THSD7B: variants seen among roughly 807,000 people sequenced by gnomAD.
THSD7B encodes the protein thrombospondin type-1 domain-containing protein 7B.
Under a neutral mutation model 213.6 loss-of-function variants are expected in THSD7B, and 138 were observed. The ratio of observed to expected loss-of-function variants is 0.65; its 90% CI spans 0.56 to 0.74. THSD7B has a LOEUF of 0.74. THSD7B is among the 30% of genes least tolerant of loss of function. The probability of loss-of-function intolerance (pLI) is 0.00; values close to 1 mark genes in which losing one functional copy is unlikely to be tolerated. For missense variants in THSD7B, 1,931 were observed against 1,991.5 expected (o/e 0.97, Z 0.58); for synonymous variants, 742 against 687.0 (o/e 1.08, Z -1.25).
In THSD7B at chr2:137,477,013, A is replaced by G. The variant is rs1688208331; in HGVS notation, c.3138+25990A>G. On this transcript the variant is annotated intron_variant, in intron 15 of 27. Transcript: ENST00000409968. ...ATAGGTGTTGGATGAAATGTTCTGTATGTCTGTTAGGTCTATTTGTTTCTA... is the reference window on the plus strand; with the variant it reads ...ATAGGTGTTGGATGAAATGTTCTGTGTGTCTGTTAGGTCTATTTGTTTCTA... Among the ~76,000 whole-genome samples the G allele has an allele frequency of 2.6e-5, 4 of 152,176 alleles. No individual in the cohort carries two copies. The South Asian group carries it at 8.3e-4, about 31-fold the overall frequency.
At chr2:137,472,584 T>C (rs1275650224) in intron 15 of THSD7B, among the ~76,000 whole-genome samples, 1 of 152,244 alleles carries the variant, frequency 6.6e-6, no homozygotes, top group African/African-American at 2.4e-5. Context: ...TGTCTGTTCT[T>C]GCATCAGTCT....
chr2:137,067,761 A>G (rs1687408159), intron 3 of THSD7B, among the ~76,000 whole-genome samples: 1 of 152,020 alleles, frequency 6.6e-6, no homozygotes, highest in Admixed American at 6.6e-5. Context: ...CTTTCCTAAG[A>G]TAGTTTCCTG....
At chr2:137,621,035 G>A (rs1682510317) in intron 20 of THSD7B, among the ~76,000 whole-genome samples, 1 of 152,172 alleles carries the variant, frequency 6.6e-6, no homozygotes, top group African/African-American at 2.4e-5. Context: ...TTTGGAAAAA[G>A]TAGTATGTAA....
chr2:137,483,103 T>C (rs1316053192), intron 15 of THSD7B, among the ~76,000 whole-genome samples: 6 of 152,186 alleles, frequency 3.9e-5, no homozygotes, highest in African/African-American at 1.2e-4. Flanking sequence ...CAGCTCATCA[T>C]TCCTTGGTTC....
intron 1 of THSD7B, among the ~76,000 whole-genome samples, chr2:136,830,673 T>C (rs1011630690): frequency 1.3e-5 from 2 of 152,212 alleles, no homozygotes; most frequent in African/African-American, 4.8e-5. Context: ...TTCTAAAACA[T>C]CTTGTCTCTT....
chr2:136,867,167 A>C (rs1043271189), intron 1 of THSD7B, among the ~76,000 whole-genome samples: 2 of 152,218 alleles, frequency 1.3e-5, no homozygotes, highest in Non-Finnish European at 2.9e-5. Context: ...GTATTGTTGA[A>C]GCTTTTGAAA....
At chr2:137,670,488 GA>G (rs11328027) in intron 27 of THSD7B, among the ~76,000 whole-genome samples, 141,927 of 152,246 alleles carry the variant, frequency 0.93, 66,383 homozygotes, top group East Asian at 0.98. Context: ...TTTTAAAATA[GA>G]AAAAAAATTG....
At chr2:137,561,495 G>T (rs1051325817) in intron 15 of THSD7B, among the ~76,000 whole-genome samples, 1 of 152,138 alleles carries the variant, frequency 6.6e-6, no homozygotes, top group African/African-American at 2.4e-5. Flanking sequence ...CTTTGGCAGA[G>T]GTGCTCTCTT....
intron 3 of THSD7B, among the ~76,000 whole-genome samples, chr2:137,091,348 G>A (rs1687944930): frequency 6.6e-6 from 1 of 152,134 alleles, no homozygotes; most frequent in Non-Finnish European, 1.5e-5. Context: ...CTTTCTTTAT[G>A]AAGGGAAAAA....
chr2:136,815,216 A>G (rs1456245010), intron 1 of THSD7B, among the ~76,000 whole-genome samples: 1 of 152,248 alleles, frequency 6.6e-6, no homozygotes, highest in African/African-American at 2.4e-5. Flanking sequence ...TATCTAAATA[A>G]ATGGCTGTTG....
At chr2:137,301,154 G>A (rs1019827140) in intron 12 of THSD7B, among the ~76,000 whole-genome samples, 1 of 151,990 alleles carries the variant, frequency 6.6e-6, no homozygotes, top group Admixed American at 6.6e-5. Context: ...ATCACAGCTG[G>A]CCCGTTAATG....
At chr2:137,106,486 C>T (rs1688253910) in intron 4 of THSD7B, among the ~76,000 whole-genome samples, 1 of 152,118 alleles carries the variant, frequency 6.6e-6, no homozygotes, top group Non-Finnish European at 1.5e-5. Flanking sequence ...TAGGCATGAG[C>T]AAAGACTTCA....
intron 1 of THSD7B, among the ~76,000 whole-genome samples, chr2:136,860,918 A>G (rs936445843): frequency 6.6e-6 from 1 of 152,184 alleles, no homozygotes; most frequent in African/African-American, 2.4e-5. Flanking sequence ...CTCCACTACA[A>G]CCTCACTGGC....
At chr2:136,922,760 C>T (rs1684456235) in intron 2 of THSD7B, among the ~76,000 whole-genome samples, 1 of 152,144 alleles carries the variant, frequency 6.6e-6, no homozygotes, top group South Asian at 2.1e-4. Flanking sequence ...ATCTCTGTTG[C>T]AGTCAAGCTA....
chr2:137,344,228 A>G (rs933771019), intron 12 of THSD7B, among the ~76,000 whole-genome samples: 1 of 151,740 alleles, frequency 6.6e-6, no homozygotes, highest in Non-Finnish European at 1.5e-5. Context: ...TGTCTTCCAC[A>G]AAACTGGTCT....
At chr2:137,624,753 T>C (rs1354924836) in intron 20 of THSD7B, among the ~76,000 whole-genome samples, 1 of 152,098 alleles carries the variant, frequency 6.6e-6, no homozygotes, top group Admixed American at 6.5e-5. Context: ...ATCAGAGAAA[T>C]GCAAATCAAA....
rs192515940 is a variant in THSD7B at position 137,534,577 on chromosome 2, C to T, written c.3139-28644C>T. 2.9e-4 allele frequency among the ~76,000 whole-genome samples: 44 copies of T among 151,546 alleles called. No individual in the cohort carries two copies. In the East Asian group the frequency reaches 7.0e-3, roughly 24 times the overall value. On this transcript the variant is annotated intron_variant, in intron 15 of 27. Transcript: ENST00000409968. ...ATAATACTCAATTCATTTTTACTTC[C>T]ATGAACTAAACACAAAATAATGCTT... is the stretch of plus-strand genomic sequence containing the variant.
At chr2:137,107,138 C>T (rs1309116208) in intron 4 of THSD7B, among the ~76,000 whole-genome samples, 1 of 152,194 alleles carries the variant, frequency 6.6e-6, no homozygotes, top group Middle Eastern at 3.2e-3. Flanking sequence ...TTGGAACCAA[C>T]CCAAATGCCC....
chr2:137,620,626 C>T lies in THSD7B; in HGVS notation c.3699C>T (p.Pro1233=), dbSNP rs1682501323. The stretch of plus-strand genomic sequence containing the variant: ...ATTTGCAGCATAATTTGGAGAAGCC[C>T]CAGAGAATGAGCATTCCCTGCTTGG... ...DQCEQHNLEK[P]QRMSIPCLVE... is the part of the protein sequence containing the mutation. The change falls in exon 20 of 28, where the codon CCC becomes CCT. Residue 1233 remains proline, a synonymous_variant. Transcript: ENST00000409968. The T allele has an allele frequency of 2.5e-5, 40 of 1,613,394 alleles. No individual in the cohort carries two copies. The East Asian group carries it at 8.9e-4, about 36-fold the overall frequency.
Sources: allele counts gnomAD v4.1 joint callset (sites outside exome capture counted in the v4.1 genomes callset), GRCh38; gene constraint gnomAD v4.1.1; transcripts MANE v1.5; gene names NCBI Gene and HGNC (gene_info 2026-07-23, HGNC 2026-07-21).